Variants in MB21D2 observed in about 807,000 individuals in gnomAD.
MB21D2 encodes nucleotidyltransferase MB21D2.
MB21D2 carries 9 observed loss-of-function variants against 33.3 expected under a neutral mutation model. The ratio of observed to expected loss-of-function variants is 0.27; its 90% CI spans 0.16 to 0.47. The LOEUF is 0.47. MB21D2 is among the 20% of genes least tolerant of loss of function. MB21D2 has a pLI of 0.99. For missense variants in MB21D2, 540 were observed against 624.6 expected (o/e 0.86, Z 1.44); for synonymous variants, 241 against 236.3 (o/e 1.02, Z -0.18).
chr3:192,803,499 T>C (rs922926522), intron 1 of MB21D2, among the ~76,000 whole-genome samples: 3 of 152,170 alleles, frequency 2.0e-5, no homozygotes, highest in Non-Finnish European at 4.4e-5. Context: ...CACATTTCCA[T>C]TTAGCCTCCC....
chr3:192,834,678 G>A lies in MB21D2; in HGVS notation c.212-35028C>T, dbSNP rs193202453. Among the ~76,000 whole-genome samples, 287 of 152,248 alleles carry A rather than the reference G, an allele frequency of 1.9e-3. 1 individual carries two copies. Among genetic ancestry groups the A allele is most frequent in the African/African-American group, 5.8e-3 (239 of 41,542 alleles). The stretch of plus-strand genomic sequence containing the variant: ...ACAAAGAAGTGCCAGCTGTTCTACC[G>A]TGAGAGCAAGACAAACTGGGAACAC... On this transcript the variant is annotated intron_variant, in intron 1 of 1. Coordinates refer to ENST00000392452, the MANE Select transcript of MB21D2 (RefSeq NM_178496.4).
intron 1 of MB21D2, among the ~76,000 whole-genome samples, chr3:192,873,141 A>T (rs1488994122): frequency 6.6e-6 from 1 of 151,910 alleles, no homozygotes; most frequent in East Asian, 1.9e-4. Flanking sequence ...TCCATTACCT[A>T]CCCCTGGCTC....
intron 1 of MB21D2, among the ~76,000 whole-genome samples, chr3:192,830,282 G>A (rs1712287043): frequency 6.6e-6 from 1 of 151,764 alleles, no homozygotes; most frequent in South Asian, 2.1e-4. Context: ...GTGTCAAAGG[G>A]AGAGAGGAGA....
chr3:192,798,341 A>G lies in MB21D2; in HGVS notation c.*45T>C, dbSNP rs1397062756. ...GATAGCATCACAAACCACACGACACATTATCAGAGTTTAAGAATCAGGAAA... is the reference window on the plus strand; with the variant it reads ...GATAGCATCACAAACCACACGACACGTTATCAGAGTTTAAGAATCAGGAAA... On this transcript the variant is annotated 3_prime_UTR_variant, in exon 2 of 2. Coordinates refer to ENST00000392452, the MANE Select transcript of MB21D2 (RefSeq NM_178496.4). This position sits in a 1 kb window ranked among gnomAD's most constrained non-coding sequence, Gnocchi z 4.8. 2.6e-5 allele frequency: 41 copies of G among 1,587,436 alleles called. No homozygotes were observed. The highest frequency in any genetic ancestry group is 3.4e-5 in the Non-Finnish European group (40 of 1,162,746).
rs201294966 is a variant in MB21D2 at position 192,798,518 on chromosome 3, G to A, written c.1344C>T (p.Asn448=). The A allele has an allele frequency of 7.8e-5, 126 of 1,614,100 alleles. No individual in the cohort carries two copies. The highest frequency in any genetic ancestry group is 9.8e-5 in the Non-Finnish European group (116 of 1,180,044). ...TTTTTGCCAAACGGTCATCAGGCTG[G>A]TTGGGGTCCCCTCCGTCAGACTGTG... ...PSPQSDGGDP[N]QPDDRLAKKL... is the part of the protein sequence containing the mutation. Residue 448 remains asparagine (N), a synonymous_variant, in exon 2 of 2, where the codon AAC becomes AAT. Coordinates refer to ENST00000392452, the MANE Select transcript of MB21D2 (RefSeq NM_178496.4). This position sits in a 1 kb window ranked among gnomAD's most constrained non-coding sequence, Gnocchi z 4.8.
At chr3:192,801,709 T>C (rs1324596223) in intron 1 of MB21D2, among the ~76,000 whole-genome samples, 1 of 152,190 alleles carries the variant, frequency 6.6e-6, no homozygotes, top group Non-Finnish European at 1.5e-5. Context: ...TTGGCTTTCT[T>C]GACATCCAGA....
Position 192,889,605 on chromosome 3 carries a change from A to G in MB21D2, c.211+28025T>C, listed in dbSNP as rs6794542. 3.4e-3 allele frequency among the ~76,000 whole-genome samples: 519 copies of G among 152,130 alleles called. 7 individuals carry two copies. The highest frequency in any genetic ancestry group is 0.012 in the African/African-American group (500 of 41,416). ...TCCTACCTACCTCTGCTGGCCCTAG[A>G]GTTTATCACAGGAAGATTTTTTTTG... On this transcript the variant is annotated intron_variant, in intron 1 of 1. Transcript: ENST00000392452.
chr3:192,910,431 T>C (rs996054944), intron 1 of MB21D2, among the ~76,000 whole-genome samples: 1 of 152,078 alleles, frequency 6.6e-6, no homozygotes, highest in African/African-American at 2.4e-5. Flanking sequence ...TGAGCCGTGA[T>C]GGCATCATTG....
chr3:192,884,633 C>T (rs1713691075), intron 1 of MB21D2, among the ~76,000 whole-genome samples: 2 of 152,072 alleles, frequency 1.3e-5, no homozygotes, highest in Non-Finnish European at 2.9e-5. Flanking sequence ...TCCCAAAGTG[C>T]TGGCATTACA....
chr3:192,826,947 A>G (rs1428085107), intron 1 of MB21D2, among the ~76,000 whole-genome samples: 1 of 149,590 alleles, frequency 6.7e-6, no homozygotes. Context: ...ACTGGAGTGC[A>G]GTGGTGGAAT....
chr3:192,892,425 G>C (rs988478503), intron 1 of MB21D2, among the ~76,000 whole-genome samples: 1 of 152,162 alleles, frequency 6.6e-6, no homozygotes, highest in African/African-American at 2.4e-5. Flanking sequence ...TCTTAATTTA[G>C]GAGTTTGCTA....
chr3:192,896,050 A>G (rs1713966256), intron 1 of MB21D2, among the ~76,000 whole-genome samples: 1 of 152,226 alleles, frequency 6.6e-6, no homozygotes, highest in Non-Finnish European at 1.5e-5. Context: ...GGAAGAGAAG[A>G]GCAGTTTTAT....
intron 1 of MB21D2, among the ~76,000 whole-genome samples, chr3:192,836,280 G>A (rs1402200606): frequency 1.3e-5 from 2 of 152,046 alleles, no homozygotes; most frequent in Non-Finnish European, 2.9e-5. Flanking sequence ...CTTTTGCTAC[G>A]GAAACCCAAG....
At chr3:192,866,666 T>A (rs1577188861) in intron 1 of MB21D2, among the ~76,000 whole-genome samples, 1 of 152,174 alleles carries the variant, frequency 6.6e-6, no homozygotes, top group East Asian at 1.9e-4. Flanking sequence ...TAAATTAACA[T>A]AACTGTCTGG....
At chr3:192,819,566 T>A (rs1334937269) in intron 1 of MB21D2, among the ~76,000 whole-genome samples, 2 of 151,970 alleles carry the variant, frequency 1.3e-5, no homozygotes, top group African/African-American at 4.8e-5. Context: ...GAGGGAAGAG[T>A]CCTATAGTTT....
chr3:192,916,133 A>G (rs1714461330), intron 1 of MB21D2, among the ~76,000 whole-genome samples: 1 of 144,470 alleles, frequency 6.9e-6, no homozygotes, highest in South Asian at 2.1e-4. Flanking sequence ...TAATTCATCT[A>G]TTCATCTACA....
intron 1 of MB21D2, among the ~76,000 whole-genome samples, chr3:192,819,361 C>G (rs541965383): frequency 6.6e-6 from 1 of 152,198 alleles, no homozygotes; most frequent in African/African-American, 2.4e-5. Flanking sequence ...TGGCTTTTCA[C>G]GGCAAGGGTG....
At chr3:192,829,389 A>G (rs1446088922) in intron 1 of MB21D2, among the ~76,000 whole-genome samples, 2 of 152,206 alleles carry the variant, frequency 1.3e-5, no homozygotes, top group Non-Finnish European at 2.9e-5. Flanking sequence ...AATACCTGGA[A>G]GTGCGATCGC....
intron 1 of MB21D2, among the ~76,000 whole-genome samples, chr3:192,913,275 C>T (rs911538753): frequency 3.3e-5 from 5 of 151,616 alleles, no homozygotes; most frequent in Non-Finnish European, 7.4e-5. Flanking sequence ...TACACGCCTG[C>T]ACTCCTAGCT....
Sources: gnomAD v4.1 joint callset for allele counts (sites outside exome capture counted in the v4.1 genomes callset) on GRCh38, gnomAD v4.1.1 for gene constraint, Gnocchi (gnomAD v3.1) non-coding constraint, MANE v1.5 for transcripts, NCBI Gene and HGNC (gene_info 2026-07-23, HGNC 2026-07-21) for gene names.